Variants in PERM1 observed in about 807,000 individuals in gnomAD.
PERM1 encodes PPARGC1 and ESRR induced regulator, muscle 1.
PERM1 carries 45 observed loss-of-function variants against 44.1 expected under a neutral mutation model. The ratio of observed to expected loss-of-function variants is 1.02; its 90% CI spans 0.80 to 1.31. The LOEUF (loss-of-function observed/expected upper bound fraction) is 1.31. PERM1 is among the 50% of genes most tolerant of loss of function. PERM1 has a pLI of 0.00. For missense variants in PERM1, 1,189 were observed against 1,106.9 expected (o/e 1.07, Z -1.05); for synonymous variants, 565 against 477.1 (o/e 1.18, Z -2.40).
At chr1:981,260 G>C, upstream of PERM1, 1 of 1,407,830 alleles carries the variant, frequency 7.1e-7, no homozygotes, top group South Asian at 1.3e-5. Context: ...AAGATCCCCA[G>C]CTCCCATGAC....
chr1:976,566 C>T (rs1383774664), exon 2 of PERM1: 2 of 1,549,580 alleles, frequency 1.3e-6, no homozygotes, highest in Non-Finnish European at 1.7e-6. Context: ...AAGCTACAAA[C>T]ACCAGGCACA....
chr1:979,384 C>T (rs926054175), exon 1 of PERM1: 46 of 1,505,930 alleles, frequency 3.1e-5, no homozygotes, highest in Admixed American at 1.1e-4. Context: ...CTGGTGGGGC[C>T]GGGGCCCGAC....
chr1:980,019 C>T lies in PERM1; in HGVS notation c.1011G>A (p.Pro337=), dbSNP rs112622122. 3,297 of 1,548,976 alleles carry T rather than the reference C, an allele frequency of 2.1e-3. 62 individuals carry two copies. The African/African-American group carries it at 0.039, about 18-fold the overall frequency. Residue 337 remains proline, a synonymous_variant, in exon 1 of 3, where the codon CCG becomes CCA. Transcript: ENST00000433179. ...ACACAGCCATGTCCGTGTCAGGTTGCGGCTCAGAGGCAGGTGTAGACACAG... is the reference window on the plus strand; with the variant it reads ...ACACAGCCATGTCCGTGTCAGGTTGTGGCTCAGAGGCAGGTGTAGACACAG...
At chr1:979,305 G>C in exon 1 of PERM1, 1 of 1,542,580 alleles carries the variant, frequency 6.5e-7, no homozygotes, top group Non-Finnish European at 8.8e-7. Flanking sequence ...TCACGGCAAA[G>C]CTGCTCCCGG....
intron 2 of PERM1, 91 bp from the exon 4 acceptor site, chr1:976,360 C>T: frequency 2.0e-6 from 3 of 1,478,308 alleles, no homozygotes; most frequent in Non-Finnish European, 2.7e-6. Flanking sequence ...CGGGCAAGGT[C>T]GGTGCGGCCA....
upstream of PERM1, chr1:982,087 G>C: frequency 1.6e-6 from 2 of 1,288,024 alleles, no homozygotes; most frequent in Non-Finnish European, 2.0e-6. Flanking sequence ...GGCCGAGCTG[G>C]GCGTCTGAGC....
At chr1:979,370 G>C in exon 1 of PERM1, 3 of 1,506,222 alleles carry the variant, frequency 2.0e-6, no homozygotes, top group Non-Finnish European at 2.7e-6. Context: ...TTGAGGATCC[G>C]AGGCTGGTGG....
chr1:978,666 G>T (rs962514429), intron 1 of PERM1, among the ~76,000 whole-genome samples: 1 of 152,244 alleles, frequency 6.6e-6, no homozygotes, highest in Admixed American at 6.5e-5. Context: ...GGCAACGGCG[G>T]CGCAGAGCCA....
chr1:980,084 A>G, exon 1 of PERM1: 1 of 1,549,764 alleles, frequency 6.5e-7, no homozygotes, highest in Non-Finnish European at 8.7e-7. Context: ...GCAGGTGTAG[A>G]CACAGCCATG....
exon 3 of PERM1, chr1:976,087 GC>G (rs1308539251): frequency 5.2e-6 from 7 of 1,344,064 alleles, no homozygotes; most frequent in Non-Finnish European, 6.0e-6. Flanking sequence ...GGGTCAGAGG[GC>G]CCGGGCGAGG....
exon 1 of PERM1, chr1:979,036 A>G: frequency 6.5e-7 from 1 of 1,539,460 alleles, no homozygotes; most frequent in Non-Finnish European, 8.8e-7. Context: ...GTCCTCCCCG[A>G]AGAAGAAGTG....
chr1:981,161 C>T (rs780971347), upstream of PERM1: 2 of 1,548,972 alleles, frequency 1.3e-6, no homozygotes, highest in South Asian at 1.2e-5. Context: ...CGCCTCGGGG[C>T]TCCATCCATG....
At chr1:975,826 A>G in exon 3 of PERM1, 1 of 261,890 alleles carries the variant, frequency 3.8e-6, no homozygotes, top group Non-Finnish European at 7.3e-6. Context: ...ATTTGATTTC[A>G]GATAAACAAC....
exon 2 of PERM1, chr1:976,551 G>A (rs577481906): frequency 7.1e-6 from 11 of 1,549,580 alleles, no homozygotes; most frequent in Non-Finnish European, 9.6e-6. Flanking sequence ...CAGCCCAGGT[G>A]GCAAAAGCTA....
exon 1 of PERM1, chr1:979,031 C>G: frequency 1.9e-6 from 3 of 1,539,264 alleles, no homozygotes; most frequent in Non-Finnish European, 2.6e-6. Context: ...AGCCTGTCCT[C>G]CCCGAAGAAG....
exon 1 of PERM1, chr1:979,269 G>A: frequency 6.5e-7 from 1 of 1,549,856 alleles, no homozygotes; most frequent in South Asian, 1.2e-5. Flanking sequence ...TGTCACAGAA[G>A]AAGAACTCGT....
chr1:976,561 A>G (rs1196661862), exon 2 of PERM1: 1 of 1,549,466 alleles, frequency 6.5e-7, no homozygotes, highest in Admixed American at 2.0e-5. Context: ...GGCAAAAGCT[A>G]CAAACACCAG....
chr1:979,566 A>G (rs901629606), exon 1 of PERM1: 3 of 1,550,030 alleles, frequency 1.9e-6, no homozygotes, highest in Non-Finnish European at 2.6e-6. Flanking sequence ...CGGGTGCCCC[A>G]GAGCAGCATC....
chr1:978,279 C>A (rs1052974576), intron 1 of PERM1, among the ~76,000 whole-genome samples: 1 of 151,012 alleles, frequency 6.6e-6, no homozygotes, highest in Admixed American at 6.6e-5. Flanking sequence ...ACATGTCTGT[C>A]CTAAGATACA....
Sources: gnomAD v4.1 joint callset for allele counts (sites outside exome capture counted in the v4.1 genomes callset) on GRCh38, gnomAD v4.1.1 for gene constraint, MANE v1.5 for transcripts, NCBI Gene and HGNC (gene_info 2026-07-23, HGNC 2026-07-21) for gene names.